Variants in TMEM132D observed in about 807,000 individuals in gnomAD.
TMEM132D encodes the protein transmembrane protein 132D, also known as mature OL transmembrane protein.
TMEM132D carries 21 observed loss-of-function variants against 62.3 expected under a neutral mutation model. That is an observed-to-expected ratio of 0.34 (90% CI 0.24 to 0.49). The LOEUF (loss-of-function observed/expected upper bound fraction) is 0.49. Ranked by LOEUF, TMEM132D falls within the 20% of genes least tolerant of loss-of-function variation. The pLI is 0.99. For synonymous variants in TMEM132D, 621 were observed against 575.6 expected (o/e 1.08, Z -1.13); for missense variants, 1,346 against 1,402.8 (o/e 0.96, Z 0.65).
At chr12:129,635,967 C>T (rs1240418120) in intron 2 of TMEM132D, among the ~76,000 whole-genome samples, 1 of 152,176 alleles carries the variant, frequency 6.6e-6, no homozygotes, top group Non-Finnish European at 1.5e-5. Context: ...AATTACAGGG[C>T]ATAAGTGGAT....
chr12:129,820,453 A>C (rs1256792891), intron 1 of TMEM132D, among the ~76,000 whole-genome samples: 1 of 152,028 alleles, frequency 6.6e-6, no homozygotes, highest in African/African-American at 2.4e-5. Context: ...CAGCGTGCGC[A>C]TCCCCTCTGG....
chr12:129,825,027 T>TC (rs1555234169), intron 1 of TMEM132D, among the ~76,000 whole-genome samples: 9,125 of 146,640 alleles, frequency 0.062, 631 homozygotes, highest in African/African-American at 0.16. Flanking sequence ...TTTTTTTTTT[T>TC]CCCTGAGATG....
At chr12:129,212,506 T>C (rs1208058375) in intron 4 of TMEM132D, 2 of 152,232 alleles carry the variant, frequency 1.3e-5, no homozygotes, top group Non-Finnish European at 2.9e-5. Context: ...CAGAAGTACC[T>C]GTAAAGCCTT....
intron 5 of TMEM132D, among the ~76,000 whole-genome samples, chr12:129,187,173 G>T (rs1427239348): frequency 2.6e-5 from 4 of 152,176 alleles, no homozygotes; most frequent in Non-Finnish European, 5.9e-5. Context: ...AGGAGTCCTA[G>T]GGGGATGGAG....
Position 129,084,607 on chromosome 12 carries a change from G to T in TMEM132D, c.1539C>A (p.Ser513Arg), listed in dbSNP as rs775382777. The T allele has an allele frequency of 1.2e-6, 2 of 1,614,138 alleles. No individual in the cohort carries two copies. The highest frequency in any genetic ancestry group is 1.7e-5 in the Admixed American group (1 of 60,022). ...VVNFTYQHLSSPLEMTVWVPR... is the reference protein window; with the variant it reads ...VVNFTYQHLSRPLEMTVWVPR... ...GCACCCACACCGTCATCTCCAGGGGGCTGCTCAGGTGCTGGTAGGTGAAGT... is the reference window on the plus strand; with the variant it reads ...GCACCCACACCGTCATCTCCAGGGGTCTGCTCAGGTGCTGGTAGGTGAAGT... The change falls in exon 6 of 9, where the codon AGC becomes AGA. Residue 513 changes from serine (S) to arginine (R), a missense_variant. Transcript: ENST00000422113.
intron 3 of TMEM132D, among the ~76,000 whole-genome samples, chr12:129,416,728 G>C (rs773380968): frequency 6.6e-6 from 1 of 152,144 alleles, no homozygotes; most frequent in Non-Finnish European, 1.5e-5. Flanking sequence ...TCAATATCTA[G>C]TTTAATGAGT....
intron 2 of TMEM132D, among the ~76,000 whole-genome samples, chr12:129,605,587 T>TTGTATATATATATATATATATATATA (rs1555221320): frequency 1.6e-4 from 17 of 107,352 alleles, no homozygotes; most frequent in African/African-American, 5.8e-4. Flanking sequence ...AAATTAGGCA[T>TTGTATATATATATATATATATATATA]TATATATATA....
intron 3 of TMEM132D, among the ~76,000 whole-genome samples, chr12:129,453,366 C>T (rs1472632712): frequency 2.0e-5 from 3 of 152,202 alleles, no homozygotes; most frequent in Non-Finnish European, 4.4e-5. Flanking sequence ...TTCCCTCCCG[C>T]AGGGTCCCAT....
intron 8 of TMEM132D, among the ~76,000 whole-genome samples, chr12:129,077,888 AAAAC>A (rs1391081015): frequency 7.9e-5 from 12 of 151,924 alleles, no homozygotes; most frequent in Middle Eastern, 6.8e-3. Flanking sequence ...CAGACACACA[AAAAC>A]AACATATATG....
At chr12:129,343,490 A>G (rs1230603466) in intron 3 of TMEM132D, among the ~76,000 whole-genome samples, 2 of 152,278 alleles carry the variant, frequency 1.3e-5, no homozygotes, top group Middle Eastern at 3.4e-3. Context: ...ATGAGTTAAT[A>G]GGTGCAGCAC....
At chr12:129,796,649 C>A (rs573295306) in intron 1 of TMEM132D, among the ~76,000 whole-genome samples, 1 of 152,050 alleles carries the variant, frequency 6.6e-6, no homozygotes, top group Non-Finnish European at 1.5e-5. Context: ...AAACATCGTG[C>A]GTTCTCACTC....
intron 3 of TMEM132D, among the ~76,000 whole-genome samples, chr12:129,479,371 C>A (rs949745728): frequency 2.6e-5 from 4 of 151,936 alleles, no homozygotes; most frequent in Non-Finnish European, 5.9e-5. Flanking sequence ...ATCTTTATTA[C>A]TAGTTGAACT....
At chr12:129,736,024 C>T (rs1869412303) in intron 1 of TMEM132D, among the ~76,000 whole-genome samples, 1 of 152,204 alleles carries the variant, frequency 6.6e-6, no homozygotes, top group African/African-American at 2.4e-5. Flanking sequence ...ATGGATGTCA[C>T]ACACTTTGCT....
At chr12:129,689,299 T>G (rs904464720) in intron 2 of TMEM132D, among the ~76,000 whole-genome samples, 7 of 152,182 alleles carry the variant, frequency 4.6e-5, no homozygotes, top group Non-Finnish European at 5.9e-5. Flanking sequence ...GCACCTTGAT[T>G]CCTGATCAGA....
intron 4 of TMEM132D, among the ~76,000 whole-genome samples, chr12:129,237,676 G>A (rs535075860): frequency 2.0e-5 from 3 of 152,160 alleles, no homozygotes; most frequent in Admixed American, 2.0e-4. Flanking sequence ...TGTTTTATGT[G>A]CACTTAAAAA....
intron 5 of TMEM132D, among the ~76,000 whole-genome samples, chr12:129,137,069 A>G (rs917497992): frequency 1.3e-5 from 2 of 150,596 alleles, no homozygotes; most frequent in African/African-American, 4.9e-5. Flanking sequence ...CATCATTACC[A>G]CTATCACCAT....
intron 1 of TMEM132D, among the ~76,000 whole-genome samples, chr12:129,829,472 A>G (rs1872763990): frequency 6.6e-6 from 1 of 152,088 alleles, no homozygotes; most frequent in South Asian, 2.1e-4. Flanking sequence ...GTTGGCACCC[A>G]ATGCTCCCCT....
chr12:129,349,375 G>C (rs1869792778), intron 3 of TMEM132D, among the ~76,000 whole-genome samples: 1 of 152,154 alleles, frequency 6.6e-6, no homozygotes, highest in African/African-American at 2.4e-5. Context: ...ATAATCCTGA[G>C]GTAGAATGGT....
At chr12:129,834,620 C>T (rs949020358) in intron 1 of TMEM132D, among the ~76,000 whole-genome samples, 5 of 152,192 alleles carry the variant, frequency 3.3e-5, no homozygotes, top group Non-Finnish European at 7.3e-5. Context: ...GGTCCCTGGG[C>T]AGTGAGCAGC....
Sources: allele counts gnomAD v4.1 joint callset (sites outside exome capture counted in the v4.1 genomes callset), GRCh38; gene constraint gnomAD v4.1.1; transcripts MANE v1.5; gene names NCBI Gene and HGNC (gene_info 2026-07-23, HGNC 2026-07-21).